The following RAD51B variants were observed in gnomAD, a reference collection of about 807,000 sequenced individuals.
RAD51B encodes the protein DNA repair protein RAD51 homolog 2.
RAD51B carries 38 observed loss-of-function variants against 42.2 expected under a neutral mutation model. The observed-to-expected ratio is 0.90, with a 90% CI of 0.70 to 1.18. The LOEUF (loss-of-function observed/expected upper bound fraction) is 1.18. Among genes scored for constraint, RAD51B ranks in the 50% most tolerant of loss-of-function variants. The probability of loss-of-function intolerance (pLI) is 0.00; values close to 1 mark genes in which losing one functional copy is unlikely to be tolerated. For missense variants in RAD51B, 373 were observed against 400.7 expected (o/e 0.93, Z 0.59); for synonymous variants, 154 against 145.2 (o/e 1.06, Z -0.43).
At chr14:67,852,392 G>A (rs1403545352) in intron 4 of RAD51B, among the ~76,000 whole-genome samples, 3 of 152,338 alleles carry the variant, frequency 2.0e-5, no homozygotes, top group South Asian at 4.1e-4. Flanking sequence ...GGGGATCCCC[G>A]ACTCCATGTG....
At chr14:68,605,750 A>T (rs1318530896) in intron 10 of RAD51B, among the ~76,000 whole-genome samples, 1 of 152,178 alleles carries the variant, frequency 6.6e-6, no homozygotes, top group African/African-American at 2.4e-5. Flanking sequence ...TGGAAAGGAC[A>T]TGAATTTGGG....
intron 7 of RAD51B, among the ~76,000 whole-genome samples, chr14:68,176,057 C>T (rs911739009): frequency 3.9e-5 from 6 of 152,182 alleles, no homozygotes; most frequent in African/African-American, 1.2e-4. Context: ...CTATAATAGG[C>T]AGGATCCTCC....
At chr14:68,294,860 G>C (rs1285214580) in intron 8 of RAD51B, among the ~76,000 whole-genome samples, 1 of 152,098 alleles carries the variant, frequency 6.6e-6, no homozygotes, top group Non-Finnish European at 1.5e-5. Flanking sequence ...GTCACTCTGG[G>C]GACACTTCTG....
chr14:68,538,830 T>C (rs1010847005), intron 10 of RAD51B, among the ~76,000 whole-genome samples: 1 of 152,180 alleles, frequency 6.6e-6, no homozygotes, highest in Admixed American at 6.5e-5. Context: ...TGTTTCCTGA[T>C]TGGCCACAGT....
chr14:68,256,286 C>T (rs981991215), intron 7 of RAD51B, among the ~76,000 whole-genome samples: 5 of 152,124 alleles, frequency 3.3e-5, no homozygotes, highest in African/African-American at 1.2e-4. Flanking sequence ...TGCACCTGAC[C>T]ATTTGATGTC....
chr14:68,077,535 G>C (rs1243372939), intron 7 of RAD51B, among the ~76,000 whole-genome samples: 1 of 152,208 alleles, frequency 6.6e-6, no homozygotes, highest in Non-Finnish European at 1.5e-5. Flanking sequence ...CACATTTAAT[G>C]TTTGTGTAGA....
intron 6 of RAD51B, chr14:67,886,489 G>T (rs564184436): frequency 1.1e-4 from 24 of 218,620 alleles, no homozygotes; most frequent in Non-Finnish European, 1.7e-4. Context: ...AGAGACCTTT[G>T]TTCCTTACCG....
chr14:68,422,784 C>G (rs1413614184), intron 9 of RAD51B, among the ~76,000 whole-genome samples: 1 of 152,008 alleles, frequency 6.6e-6, no homozygotes, highest in Non-Finnish European at 1.5e-5. Context: ...TGATTTCTGC[C>G]GCTGTAAATA....
chr14:68,023,311 A>G (rs115349941), intron 7 of RAD51B, among the ~76,000 whole-genome samples: 180 of 152,168 alleles, frequency 1.2e-3, no homozygotes, highest in African/African-American at 3.7e-3. Context: ...ACAATCCACA[A>G]TCTCATGAAC....
intron 10 of RAD51B, among the ~76,000 whole-genome samples, chr14:68,528,310 C>T (rs1029890469): frequency 1.3e-5 from 2 of 152,174 alleles, no homozygotes; most frequent in African/African-American, 2.4e-5. Context: ...AAATTTAATA[C>T]TCAATTACAG....
chr14:68,203,629 G>T (rs541597145), intron 7 of RAD51B, among the ~76,000 whole-genome samples: 1 of 152,220 alleles, frequency 6.6e-6, no homozygotes, highest in East Asian at 1.9e-4. Context: ...ATTGACTTCT[G>T]CTCTTGAGCT....
intron 7 of RAD51B, among the ~76,000 whole-genome samples, chr14:67,972,799 C>G (rs542115265): frequency 9.2e-5 from 14 of 152,072 alleles, no homozygotes; most frequent in Admixed American, 5.2e-4. Context: ...AATTGGGAAC[C>G]GTTTGAACAA....
rs529056022 is a variant in RAD51B at position 67,849,937 on chromosome 14, A to T, written c.315+14741A>T. ...GTGATTCTTTGGTGGTGTTACAAAA[A>T]TTGGATTTTTCTGGTGCCAGCATTC... On this transcript the variant is annotated intron_variant, in intron 4 of 10. Coordinates refer to ENST00000471583, the MANE Select transcript of RAD51B (RefSeq NM_133510.4). 2.7e-4 allele frequency among the ~76,000 whole-genome samples: 41 copies of T among 152,282 alleles called. No individual in the cohort carries two copies. The South Asian group carries it at 4.4e-3, about 16-fold the overall frequency.
At chr14:68,612,817 A>AGAAG (rs1891725095), downstream of RAD51B, among the ~76,000 whole-genome samples, 1 of 150,718 alleles carries the variant, frequency 6.6e-6, no homozygotes, top group Admixed American at 6.6e-5. Flanking sequence ...AAAAAAGGAA[A>AGAAG]GAAGGAAGGA....
intron 10 of RAD51B, among the ~76,000 whole-genome samples, chr14:68,551,006 A>T (rs1012942645): frequency 6.6e-6 from 1 of 152,186 alleles, no homozygotes; most frequent in South Asian, 2.1e-4. Flanking sequence ...GAGGGGGTAC[A>T]AAAGTTTCAA....
chr14:68,634,612 C>A (rs556854055), intron 10 of RAD51B, among the ~76,000 whole-genome samples: 6 of 152,270 alleles, frequency 3.9e-5, no homozygotes, highest in African/African-American at 1.4e-4. Flanking sequence ...CCGAAACCCT[C>A]CCACCCCTGC....
At chr14:68,329,274 C>T (rs573002398) in intron 8 of RAD51B, among the ~76,000 whole-genome samples, 2 of 152,308 alleles carry the variant, frequency 1.3e-5, no homozygotes, top group African/African-American at 4.8e-5. Context: ...TCCCAAAGTG[C>T]TGGAATTACA....
chr14:68,531,626 T>A (rs2525516), intron 10 of RAD51B, among the ~76,000 whole-genome samples: 2 of 152,162 alleles, frequency 1.3e-5, no homozygotes, highest in African/African-American at 4.8e-5. Context: ...TAAAATTGTG[T>A]TAAATTTAAA....
chr14:68,091,917 A>G (rs1294185156), intron 7 of RAD51B, among the ~76,000 whole-genome samples: 5 of 152,094 alleles, frequency 3.3e-5, no homozygotes, highest in Admixed American at 1.3e-4. Context: ...TTCTACATAT[A>G]GCTAGCCAGT....
Sources: gnomAD v4.1 joint callset for allele counts (sites outside exome capture counted in the v4.1 genomes callset) on GRCh38, gnomAD v4.1.1 for gene constraint, MANE v1.5 for transcripts, NCBI Gene and HGNC (gene_info 2026-07-23, HGNC 2026-07-21) for gene names.